Variants in TAFA2 observed in about 807,000 individuals in gnomAD.
The protein encoded by TAFA2 is TAFA chemokine like family member 2, also known as chemokine-like protein TAFA-2.
TAFA2 carries 7 observed loss-of-function variants against 18.8 expected under a neutral mutation model. That is an observed-to-expected ratio of 0.37 (90% CI 0.21 to 0.70). The LOEUF is 0.70. TAFA2 is among the 30% of genes least tolerant of loss of function. TAFA2 has a pLI of 0.53. For missense variants in TAFA2, 122 were observed against 158.1 expected, an observed-to-expected ratio of 0.77 and a Z score of 1.23; for synonymous variants, 60 against 54.2, an observed-to-expected ratio of 1.11 and a Z score of -0.47.
chr12:61,994,793 C>T (rs1290016812), intron 1 of TAFA2, among the ~76,000 whole-genome samples: 2 of 152,100 alleles, frequency 1.3e-5, no homozygotes, highest in South Asian at 4.1e-4. Context: ...TGCCTGGAGA[C>T]TTTTTCTTAG....
chr12:62,059,854 T>C (rs1356447368), intron 1 of TAFA2, among the ~76,000 whole-genome samples: 1 of 152,200 alleles, frequency 6.6e-6, no homozygotes, highest in Non-Finnish European at 1.5e-5. Context: ...AGTTTCAAGG[T>C]CACTTGTTCC....
chr12:61,913,382 T>C (rs569554591), intron 1 of TAFA2, among the ~76,000 whole-genome samples: 1 of 152,232 alleles, frequency 6.6e-6, no homozygotes, highest in Non-Finnish European at 1.5e-5. Context: ...TTTATGGATA[T>C]GTGTTATGAT....
intron 1 of TAFA2, among the ~76,000 whole-genome samples, chr12:62,095,592 A>T (rs143168084): frequency 6.6e-6 from 1 of 152,116 alleles, no homozygotes; most frequent in Non-Finnish European, 1.5e-5. Context: ...GATATGTCCA[A>T]TTCCCATACT....
intron 1 of TAFA2, among the ~76,000 whole-genome samples, chr12:61,902,103 A>C (rs909389815): frequency 1.3e-5 from 2 of 151,698 alleles, no homozygotes; most frequent in Non-Finnish European, 2.9e-5. Context: ...AAAAAAAAAA[A>C]AAAAAAAAAA....
chr12:61,916,764 A>G (rs1390144851), intron 1 of TAFA2, among the ~76,000 whole-genome samples: 1 of 151,908 alleles, frequency 6.6e-6, no homozygotes, highest in African/African-American at 2.4e-5. Context: ...GTGTAGATTC[A>G]AGATAAATAT....
At chr12:62,015,677 C>T (rs73132776) in intron 1 of TAFA2, among the ~76,000 whole-genome samples, 1,919 of 152,264 alleles carry the variant, frequency 0.013, 24 homozygotes, top group Non-Finnish European at 0.021. Flanking sequence ...GCAAAGTACA[C>T]TATTTATTGC....
At chr12:62,185,537 C>T (rs1431211276) in intron 1 of TAFA2, among the ~76,000 whole-genome samples, 2 of 152,092 alleles carry the variant, frequency 1.3e-5, no homozygotes, top group Non-Finnish European at 2.9e-5. Context: ...CACTCTAGCA[C>T]CAACAAATTT....
chr12:61,795,811 T>G (rs1235183344), intron 2 of TAFA2, among the ~76,000 whole-genome samples: 1 of 151,736 alleles, frequency 6.6e-6, no homozygotes, highest in Non-Finnish European at 1.5e-5. Flanking sequence ...TAAGATTTTT[T>G]ATAGAGCTAG....
chr12:61,817,673 A>G (rs1422361508), intron 2 of TAFA2, among the ~76,000 whole-genome samples: 1 of 152,216 alleles, frequency 6.6e-6, no homozygotes, highest in Non-Finnish European at 1.5e-5. Flanking sequence ...TCTCTTCCCA[A>G]TTCTGATGCA....
chr12:62,165,526 T>G (rs1415744648), intron 1 of TAFA2, among the ~76,000 whole-genome samples: 2 of 152,104 alleles, frequency 1.3e-5, no homozygotes, highest in Non-Finnish European at 2.9e-5. Context: ...TACCTAGATG[T>G]TGTGATATTA....
chr12:61,870,813 G>T (rs760833485), intron 1 of TAFA2, among the ~76,000 whole-genome samples: 96 of 152,066 alleles, frequency 6.3e-4, no homozygotes, highest in Admixed American at 3.3e-3. Context: ...TATAGGATTT[G>T]CCCAAGACCG....
chr12:62,127,341 T>C (rs556759845), intron 1 of TAFA2, among the ~76,000 whole-genome samples: 1 of 152,154 alleles, frequency 6.6e-6, no homozygotes, highest in East Asian at 1.9e-4. Flanking sequence ...CCTAAGTCTT[T>C]CCTTTCTCCA....
intron 1 of TAFA2, among the ~76,000 whole-genome samples, chr12:62,148,257 C>T (rs888005957): frequency 2.0e-5 from 3 of 152,202 alleles, no homozygotes; most frequent in African/African-American, 7.2e-5. Flanking sequence ...AAATTCATAA[C>T]AGCACTATTC....
chr12:62,211,768 C>A (rs2062715333), intron 1 of TAFA2, among the ~76,000 whole-genome samples: 1 of 152,118 alleles, frequency 6.6e-6, no homozygotes, highest in Non-Finnish European at 1.5e-5. Flanking sequence ...ATGTATAAGA[C>A]TATAGATATA....
chr12:61,988,965 G>A (rs1031659013), intron 1 of TAFA2, among the ~76,000 whole-genome samples: 2 of 152,176 alleles, frequency 1.3e-5, no homozygotes, highest in African/African-American at 4.8e-5. Flanking sequence ...TTGTGAGCAA[G>A]AGCAATTTTG....
chr12:62,170,784 C>A (rs1322863672), intron 1 of TAFA2, among the ~76,000 whole-genome samples: 1 of 152,148 alleles, frequency 6.6e-6, no homozygotes, highest in Non-Finnish European at 1.5e-5. Context: ...CCTTCCCACC[C>A]TCCATCCTTT....
chr12:62,252,726 A>G (rs1394561900), intron 1 of TAFA2: 1 of 152,180 alleles, frequency 6.6e-6, no homozygotes, highest in Non-Finnish European at 1.5e-5. Flanking sequence ...AATTGTTTAC[A>G]GTTCTGGGTG....
intron 1 of TAFA2, among the ~76,000 whole-genome samples, chr12:61,887,792 C>T (rs1366828942): frequency 6.6e-6 from 1 of 150,958 alleles, no homozygotes; most frequent in Non-Finnish European, 1.5e-5. Flanking sequence ...GCATAGTATT[C>T]CATGGTGTAT....
intron 1 of TAFA2, chr12:62,198,255 A>G (rs1168420322): frequency 6.6e-6 from 1 of 151,954 alleles, no homozygotes; most frequent in Non-Finnish European, 1.5e-5. Flanking sequence ...AGATCTATCT[A>G]AAGTCAGAGC....
Sources: allele counts gnomAD v4.1 joint callset (sites outside exome capture counted in the v4.1 genomes callset), GRCh38; gene constraint gnomAD v4.1.1; transcripts MANE v1.5; gene names NCBI Gene and HGNC (gene_info 2026-07-23, HGNC 2026-07-21).